CELSR3: variants seen among roughly 807,000 people sequenced by gnomAD.
The protein encoded by CELSR3 is EGF-like protein 1.
CELSR3 carries 73 observed loss-of-function variants against 270.0 expected under a neutral mutation model. The ratio of observed to expected loss-of-function variants is 0.27; its 90% CI spans 0.22 to 0.33. The LOEUF (loss-of-function observed/expected upper bound fraction) is 0.33. CELSR3 is among the 10% of genes least tolerant of loss of function. The probability of loss-of-function intolerance (pLI) is 1.00; values close to 1 mark genes in which losing one functional copy is unlikely to be tolerated. For missense variants in CELSR3, 3,614 were observed against 4,533.8 expected (o/e 0.80, Z 5.83); for synonymous variants, 1,780 against 1,905.4 (o/e 0.93, Z 1.71).
In CELSR3 at chr3:48,654,773, G is replaced by T. The variant is rs1373224583; in HGVS notation, c.4988+271C>A. ...ACATGAGATGAAGGGACTCGGAGGG[G>T]ATGTGGGACATTAGTGAGACTGGGG... On this transcript the variant is annotated intron_variant, in intron 6 of 34. Transcript: ENST00000164024. This position sits in a 1 kb window ranked among gnomAD's most constrained non-coding sequence, Gnocchi z 5.4. Among the ~76,000 whole-genome samples, 1 of 151,962 alleles carries T rather than the reference G, an allele frequency of 6.6e-6. No individual in the cohort carries two copies.
chr3:48,650,913 C>T lies in CELSR3; in HGVS notation c.6349G>A (p.Val2117Met), dbSNP rs151222347. The T allele has an allele frequency of 7.3e-5, 117 of 1,610,860 alleles. No homozygotes were observed. The highest frequency in any genetic ancestry group is 9.6e-5 in the Non-Finnish European group (113 of 1,179,768). Residue 2117 changes from valine to methionine, a missense_variant, in exon 15 of 35, where the codon GTG becomes ATG. Around this residue, in one of 7 missense-constraint regions of CELSR3, gnomAD observed 1,331 missense variants for 1,933.7 expected, o/e 0.69. Transcript: ENST00000164024. This position sits in a 1 kb window ranked among gnomAD's most constrained non-coding sequence, Gnocchi z 5.1. ...CNSCDSPFAE[V>M]TASGCRVLYD... The stretch of plus-strand genomic sequence containing the variant: ...TCACCCCGGCAGCCGCTGGCTGTCA[C>T]CTCTGCGAAGGGACTGTCACAGCTG...
intron 28 of CELSR3, chr3:48,643,314 G>A (rs948494018): frequency 2.3e-5 from 15 of 641,984 alleles, no homozygotes; most frequent in Non-Finnish European, 3.2e-5. Flanking sequence ...CGGGAGCCTT[G>A]GTGTTGGTGA....
chr3:48,655,502 T>C lies in CELSR3; in HGVS notation c.4742-108A>G. 1 of 1,138,136 alleles carries C rather than the reference T, an allele frequency of 8.8e-7. No homozygotes were observed. The highest frequency in any genetic ancestry group is 1.3e-6 in the Non-Finnish European group (1 of 765,778). 70.5% of individuals were successfully genotyped at this position (1,138,136 alleles called of 1,614,324 possible). On this transcript the variant is annotated intron_variant, in intron 4 of 34. Transcript: ENST00000164024. This position sits in a 1 kb window ranked among gnomAD's most constrained non-coding sequence, Gnocchi z 5.8. ...GGCCACCCTGGATGCATCAGATCAG[T>C]CCCCCCACTGGTGACCACAATGGCT...
At position 48,651,204 on chromosome 3, in the gene CELSR3, G is replaced by A. The variant is rs2047134157; in HGVS notation, c.6187-129C>T. 1 of 1,444,162 alleles carries A rather than the reference G, an allele frequency of 6.9e-7. No individual in the cohort carries two copies. Among genetic ancestry groups the A allele is most frequent in the Non-Finnish European group, 9.5e-7 (1 of 1,051,178 alleles). The allele number at this position is 1,444,162 out of a possible 1,614,324, so 89.5% of individuals were successfully genotyped here. On this transcript the variant is annotated intron_variant, in intron 14 of 34. Coordinates refer to ENST00000164024, the MANE Select transcript of CELSR3 (RefSeq NM_001407.3). This position sits in a 1 kb window ranked among gnomAD's most constrained non-coding sequence, Gnocchi z 7.4. ...ACACCTGGGTCATGCGTGAAGCCAA[G>A]GGAGGGGTCACGGGTAAAGGATGAG... is the stretch of plus-strand genomic sequence containing the variant.
chr3:48,640,291 C>G lies in CELSR3; in HGVS notation c.9294G>C (p.Arg3098=), dbSNP rs750085823. 1.9e-6 allele frequency: 3 copies of G among 1,612,838 alleles called. No homozygotes were observed. The highest frequency in any genetic ancestry group is 8.5e-7 in the Non-Finnish European group (1 of 1,179,948). The change falls in exon 34 of 35, where the codon CGG becomes CGC. Residue 3098 remains arginine (R), a synonymous_variant. Coordinates refer to ENST00000164024, the MANE Select transcript of CELSR3 (RefSeq NM_001407.3). The surrounding 1 kb of genome is among the most constrained non-coding windows in gnomAD (Gnocchi z 7.5). ...CATCCATGCATTCCTGGGACCCTGGCCGGCTCAGGGGACGTAGAACAGGGG... is the reference window on the plus strand; with the variant it reads ...CATCCATGCATTCCTGGGACCCTGGGCGGCTCAGGGGACGTAGAACAGGGG... ...APAPVLRPLS[R]PGSQECMDAA...
rs995791466 is a variant in CELSR3, at chr3:48,639,287, C to A, written c.9911+387G>T. 1.3e-5 allele frequency among the ~76,000 whole-genome samples: 2 copies of A among 152,144 alleles called. No homozygotes were observed. Among genetic ancestry groups the A allele is most frequent in the Non-Finnish European group, 2.9e-5 (2 of 68,002 alleles). ...CAGCCTCTCCTTGTCCTATATGACCCCCTAGGCGAACCTTCCCAAGCAAGG... is the reference window on the plus strand; with the variant it reads ...CAGCCTCTCCTTGTCCTATATGACCACCTAGGCGAACCTTCCCAAGCAAGG... On this transcript the variant is annotated intron_variant, in intron 34 of 34. Transcript: ENST00000164024. This position sits in a 1 kb window ranked among gnomAD's most constrained non-coding sequence, Gnocchi z 4.1.
Position 48,651,951 on chromosome 3 carries a change from C to T in CELSR3, c.5849G>A (p.Cys1950Tyr). 1 of 1,609,688 alleles carries T rather than the reference C, an allele frequency of 6.2e-7. No individual in the cohort carries two copies. The highest frequency in any genetic ancestry group is 8.5e-7 in the Non-Finnish European group (1 of 1,178,728). Reference protein sequence around the residue: ...AEPGCVVTNACASGPCPPHAD... With the variant: ...AEPGCVVTNAYASGPCPPHAD... ...GTGAGGTGGGCAGGGCCCAGAGGCA[C>T]AGGCGTTGGTCACAACACAGCCAGG... The change falls in exon 12 of 35, where the codon TGT becomes TAT. Residue 1950 changes from cysteine (C) to tyrosine (Y), a missense_variant. Cys to Tyr is a radical substitution (Grantham distance 194). This residue lies in a region of CELSR3 where 1,331 missense variants were observed against 1,933.7 expected (regional missense o/e 0.69). Coordinates refer to ENST00000164024, the MANE Select transcript of CELSR3 (RefSeq NM_001407.3). This position sits in a 1 kb window ranked among gnomAD's most constrained non-coding sequence, Gnocchi z 7.4.
chr3:48,655,618 G>C lies in CELSR3; in HGVS notation c.4741+118C>G. 1 of 969,688 alleles carries C rather than the reference G, an allele frequency of 1.0e-6. No homozygotes were observed. The highest frequency in any genetic ancestry group is 1.6e-6 in the Non-Finnish European group (1 of 610,124). The allele number at this position is 969,688 out of a possible 1,614,324, so 60.1% of individuals were successfully genotyped here. A position where few individuals can be genotyped will look rare whatever the true frequency, so the allele number is the denominator to read the frequency against. ...GAATGGCCAAGGAGCTAGGTCTTCA[G>C]GGCTTGCATGGCGTGGAGTGTGTGC... is the stretch of plus-strand genomic sequence containing the variant. On this transcript the variant is annotated intron_variant, in intron 4 of 34. Coordinates refer to ENST00000164024, the MANE Select transcript of CELSR3 (RefSeq NM_001407.3). The surrounding 1 kb of genome is among the most constrained non-coding windows in gnomAD (Gnocchi z 5.8).
chr3:48,660,203 C>T lies in CELSR3; in HGVS notation c.2432G>A (p.Gly811Asp), dbSNP rs1360099046. 6 of 1,613,936 alleles carry T rather than the reference C, an allele frequency of 3.7e-6. No homozygotes were observed. Among genetic ancestry groups the T allele is most frequent in the Non-Finnish European group, 5.1e-6 (6 of 1,180,028 alleles). Residue 811 changes from glycine (G) to aspartate (D), a missense_variant, in exon 1 of 35, where the codon GGT becomes GAT. By Grantham distance (94) the Gly-to-Asp change is moderately conservative. Transcript: ENST00000164024. The surrounding 1 kb of genome is among the most constrained non-coding windows in gnomAD (Gnocchi z 5.5). ...CAGTGGCAGAGCCAGAGTCACCAGACCCACACCCCCCTGGGTGCTGATGGC... is the reference window on the plus strand; with the variant it reads ...CAGTGGCAGAGCCAGAGTCACCAGATCCACACCCCCCTGGGTGCTGATGGC... ...RFAISTQGGV[G>D]LVTLALPLDY...
At position 48,641,776 on chromosome 3, in the gene CELSR3, G is replaced by A. The variant is rs570869363; in HGVS notation, c.8824+75C>T. On this transcript the variant is annotated intron_variant, in intron 32 of 34. Coordinates refer to ENST00000164024, the MANE Select transcript of CELSR3 (RefSeq NM_001407.3). This position sits in a 1 kb window ranked among gnomAD's most constrained non-coding sequence, Gnocchi z 4.8. ...AAGACCAGGATGAACCCCAACCGCA[G>A]GAAAGATGGGGAGCTGGAGGGATAA... The A allele has an allele frequency of 7.3e-7, 1 of 1,367,458 alleles. No individual in the cohort carries two copies. Among genetic ancestry groups the A allele is most frequent in the African/African-American group, 1.5e-5 (1 of 68,084 alleles). 84.7% of individuals were successfully genotyped at this position (1,367,458 alleles called of 1,614,324 possible).
chr3:48,639,964 C>T lies in CELSR3; in HGVS notation c.9621G>A (p.Val3207=), dbSNP rs2047008029. ...SSNSREQLDQ[V]PSRHPSREAL... ...CTTCTCGTGAGGGGTGCCGGCTAGG[C>T]ACCTGGTCCAGCTGCTCCCGAGAGT... The change falls in exon 34 of 35, where the codon GTG becomes GTA. Residue 3207 remains valine, a synonymous_variant. Transcript: ENST00000164024. This position sits in a 1 kb window ranked among gnomAD's most constrained non-coding sequence, Gnocchi z 4.1. 6.2e-7 allele frequency: 1 copy of T among 1,612,724 alleles called. No homozygotes were observed. The highest frequency in any genetic ancestry group is 1.3e-5 in the African/African-American group (1 of 74,936).
chr3:48,655,618 G>A lies in CELSR3; in HGVS notation c.4741+118C>T, dbSNP rs2047173652. 1.0e-6 allele frequency: 1 copy of A among 969,570 alleles called. No individual in the cohort carries two copies. The highest frequency in any genetic ancestry group is 1.6e-5 in the African/African-American group (1 of 62,610). 60.1% of individuals were successfully genotyped at this position (969,570 alleles called of 1,614,324 possible). A position where few individuals can be genotyped will look rare whatever the true frequency, so the allele number is the denominator to read the frequency against. On this transcript the variant is annotated intron_variant, in intron 4 of 34. Coordinates refer to ENST00000164024, the MANE Select transcript of CELSR3 (RefSeq NM_001407.3). The surrounding 1 kb of genome is among the most constrained non-coding windows in gnomAD (Gnocchi z 5.8). ...GAATGGCCAAGGAGCTAGGTCTTCAGGGCTTGCATGGCGTGGAGTGTGTGC... is the reference window on the plus strand; with the variant it reads ...GAATGGCCAAGGAGCTAGGTCTTCAAGGCTTGCATGGCGTGGAGTGTGTGC...
rs752057820 is a variant in CELSR3 at position 48,650,350 on chromosome 3, T to C, written c.6472+130A>G. ...ATGAGGGTGTAGGGAGGGGCCCACA[T>C]GGACTCCCACCCCACTTCCACCTCT... On this transcript the variant is annotated intron_variant, in intron 16 of 34. Transcript: ENST00000164024. The surrounding 1 kb of genome is among the most constrained non-coding windows in gnomAD (Gnocchi z 5.1). The C allele has an allele frequency of 9.2e-6, 7 of 761,556 alleles. No individual in the cohort carries two copies. Among genetic ancestry groups the C allele is most frequent in the Admixed American group, 6.0e-5 (3 of 49,886 alleles). 47.2% of individuals were successfully genotyped at this position (761,556 alleles called of 1,614,324 possible). A position where few individuals can be genotyped will look rare whatever the true frequency, so the allele number is the denominator to read the frequency against.
In CELSR3 at chr3:48,654,388, C is replaced by T. The variant is rs376805746; in HGVS notation, c.5053G>A (p.Val1685Ile). ...GVPNLPENFP[V>I]SHKDFIGCMR... is the part of the protein sequence containing the mutation. The stretch of plus-strand genomic sequence containing the variant: ...CAGCCGATGAAGTCCTTATGGGATA[C>T]GGGGAAGTTCTCGGGGAGGTTGGGG... The change falls in exon 7 of 35, where the codon GTA becomes ATA. Residue 1685 changes from valine (V) to isoleucine (I), a missense_variant. This residue lies in a region of CELSR3 where 1,331 missense variants were observed against 1,933.7 expected (regional missense o/e 0.69). Coordinates refer to ENST00000164024, the MANE Select transcript of CELSR3 (RefSeq NM_001407.3). The surrounding 1 kb of genome is among the most constrained non-coding windows in gnomAD (Gnocchi z 5.4). 1.7e-5 allele frequency: 27 copies of T among 1,609,822 alleles called. No homozygotes were observed. The highest frequency in any genetic ancestry group is 3.3e-4 in the Middle Eastern group (2 of 6,066).
At chr3:48,647,817 CA>C (rs776804149) in intron 20 of CELSR3, 23 bp downstream of exon 20, 1 of 1,603,456 alleles carries the variant, frequency 6.2e-7, no homozygotes, top group South Asian at 1.1e-5. Flanking sequence ...GGACTTGGCC[CA>C]GGGGTCCCCT....
chr3:48,660,376 C>T lies in CELSR3; in HGVS notation c.2259G>A (p.Arg753=), dbSNP rs748297761. ...GGTACTCCTTCATTGTGAACTCAGG[C>T]CGATTGTCATTAACGTCCAGCACAG... ...TVTVLDVNDN[R]PEFTMKEYHL... Residue 753 remains arginine (R), a synonymous_variant, in exon 1 of 35, where the codon CGG becomes CGA. Coordinates refer to ENST00000164024, the MANE Select transcript of CELSR3 (RefSeq NM_001407.3). This position sits in a 1 kb window ranked among gnomAD's most constrained non-coding sequence, Gnocchi z 5.5. 59 of 1,613,992 alleles carry T rather than the reference C, an allele frequency of 3.7e-5. 1 individual carries two copies. In the East Asian group the frequency reaches 1.3e-3, roughly 35 times the overall value.
In CELSR3 at chr3:48,656,873, C is replaced by A; in HGVS notation, c.4224G>T (p.Thr1408=). ...CGATGGGCTGGATGGGTCGGAACAG[C>A]GTGGAGGCCGAGGCCAGGAAGGGCG... is the stretch of plus-strand genomic sequence containing the variant. The part of the protein sequence containing the change: ...SSAPFLASAS[T]LFRPIQPIAG... Residue 1408 remains threonine (T), a synonymous_variant, in exon 2 of 35, where the codon ACG becomes ACT. Transcript: ENST00000164024. 5 of 1,609,192 alleles carry A rather than the reference C, an allele frequency of 3.1e-6. No homozygotes were observed. The South Asian group carries it at 5.5e-5, about 18-fold the overall frequency.
Position 48,657,209 on chromosome 3 carries a change from G to T in CELSR3, c.3888C>A (p.Leu1296=). 1 of 1,613,806 alleles carries T rather than the reference G, an allele frequency of 6.2e-7. No individual in the cohort carries two copies. The highest frequency in any genetic ancestry group is 8.5e-7 in the Non-Finnish European group (1 of 1,179,928). ...TAGCGAGCACCGCAGCCACGCCCTC[G>T]AGGAAGCGGCCCAGCAGCGGTGACA... ...RFLSPLLGRF[L]EGVAAVLATP... The change falls in exon 2 of 35, where the codon CTC becomes CTA. Residue 1296 remains leucine (L), a synonymous_variant. Coordinates refer to ENST00000164024, the MANE Select transcript of CELSR3 (RefSeq NM_001407.3). This position sits in a 1 kb window ranked among gnomAD's most constrained non-coding sequence, Gnocchi z 5.4.
At position 48,654,914 on chromosome 3, in the gene CELSR3, A is replaced by T; in HGVS notation, c.4988+130T>A. The T allele has an allele frequency of 1.1e-6, 1 of 928,714 alleles. No individual in the cohort carries two copies. Among genetic ancestry groups the T allele is most frequent in the Non-Finnish European group, 1.7e-6 (1 of 591,408 alleles). The allele number at this position is 928,714 out of a possible 1,614,324, so 57.5% of individuals were successfully genotyped here. A position where few individuals can be genotyped will look rare whatever the true frequency, so the allele number is the denominator to read the frequency against. On this transcript the variant is annotated intron_variant, in intron 6 of 34. Transcript: ENST00000164024. This position sits in a 1 kb window ranked among gnomAD's most constrained non-coding sequence, Gnocchi z 5.4. ...GTAGGCTTTCAGGGTCTTTGAGAGG[A>T]GAGGGGAATCTTGGTGGTTTGGGGG...
Sources: gnomAD v4.1 joint callset for allele counts (sites outside exome capture counted in the v4.1 genomes callset) on GRCh38, gnomAD v4.1.1 for gene constraint, gnomAD v4.1.1 regional missense constraint, Gnocchi (gnomAD v3.1) non-coding constraint, MANE v1.5 for transcripts, NCBI Gene and HGNC (gene_info 2026-07-23, HGNC 2026-07-21) for gene names.